Variants in BCAS3 observed in about 807,000 individuals in gnomAD.
BCAS3 encodes the protein BCAS4/BCAS3 fusion.
BCAS3 carries 53 observed loss-of-function variants against 116.1 expected under a neutral mutation model. The ratio of observed to expected loss-of-function variants is 0.46; its 90% CI spans 0.37 to 0.57. The LOEUF (loss-of-function observed/expected upper bound fraction) is 0.57, where lower values mean the gene tolerates loss of function less well. Among genes scored for constraint, BCAS3 ranks in the 20% least tolerant of loss-of-function variants. The pLI is 0.00. For missense variants in BCAS3, 917 were observed against 1,165.4 expected, an observed-to-expected ratio of 0.79 and a Z score of 3.10; for synonymous variants, 391 against 408.2, an observed-to-expected ratio of 0.96 and a Z score of 0.51.
chr17:60,787,747 G>T (rs1300402426), intron 6 of BCAS3, among the ~76,000 whole-genome samples: 1 of 152,038 alleles, frequency 6.6e-6, no homozygotes, highest in African/African-American at 2.4e-5. Flanking sequence ...AGATCACTAG[G>T]AGAAACTGTG....
At chr17:61,262,355 G>A (rs1423804444) in intron 22 of BCAS3, among the ~76,000 whole-genome samples, 1 of 150,368 alleles carries the variant, frequency 6.7e-6, no homozygotes, top group Non-Finnish European at 1.5e-5. Flanking sequence ...CACATAAATG[G>A]ACATAACATA....
chr17:61,090,125 AAAG>A (rs1480099908), intron 22 of BCAS3, among the ~76,000 whole-genome samples: 1 of 152,340 alleles, frequency 6.6e-6, no homozygotes. Flanking sequence ...TACATCAGTA[AAAG>A]AAGATTAAGA....
Position 61,151,691 on chromosome 17 carries a change from C to G in BCAS3, c.2425+67127C>G, listed in dbSNP as rs1402917816. Among the ~76,000 whole-genome samples, 3 of 152,156 alleles carry G rather than the reference C, an allele frequency of 2.0e-5. No individual in the cohort carries two copies. The highest frequency in any genetic ancestry group is 4.4e-5 in the Non-Finnish European group (3 of 68,028). On this transcript the variant is annotated intron_variant, in intron 22 of 23. Coordinates refer to ENST00000407086, the MANE Select transcript of BCAS3 (RefSeq NM_017679.5). This position sits in a 1 kb window ranked among gnomAD's most constrained non-coding sequence, Gnocchi z 4.8. ...CAGACTGGTCTTGAATTCCTGGGCT[C>G]AAGTGAGCCTCCTGCCTTGGCCCCG... is the stretch of plus-strand genomic sequence containing the variant.
intron 22 of BCAS3, among the ~76,000 whole-genome samples, chr17:61,089,734 G>T (rs907581831): frequency 1.3e-4 from 20 of 151,720 alleles, no homozygotes; most frequent in African/African-American, 4.4e-4. Context: ...GTTTCACCAT[G>T]TTGGCTAGGC....
chr17:61,244,083 CAA>C lies in BCAS3; in HGVS notation c.2426-124243_2426-124242del, dbSNP rs992781324. Among the ~76,000 whole-genome samples the C allele has an allele frequency of 3.9e-5, 6 of 152,078 alleles. No individual in the cohort carries two copies. The highest frequency in any genetic ancestry group is 1.4e-4 in the African/African-American group (6 of 41,402). ...ATGAGTTTTAATATGCTAATTACTT[CAA>C]GTTTTAAAAGAATAATATGTCAAAT... On this transcript the variant is annotated intron_variant, in intron 22 of 23. Coordinates refer to ENST00000407086, the MANE Select transcript of BCAS3 (RefSeq NM_017679.5). This position sits in a 1 kb window ranked among gnomAD's most constrained non-coding sequence, Gnocchi z 4.9.
At chr17:60,755,150 TC>T (rs1419711090) in intron 6 of BCAS3, among the ~76,000 whole-genome samples, 1 of 152,186 alleles carries the variant, frequency 6.6e-6, no homozygotes, top group Non-Finnish European at 1.5e-5. Flanking sequence ...TTTGATGATT[TC>T]ATGGTTTTAG....
intron 6 of BCAS3, among the ~76,000 whole-genome samples, chr17:60,753,846 T>C (rs1171141798): frequency 6.6e-6 from 1 of 152,232 alleles, no homozygotes; most frequent in Non-Finnish European, 1.5e-5. Context: ...ATCTTAGCTT[T>C]TTGGAATGAT....
chr17:60,926,807 G>A (rs969173338), intron 13 of BCAS3, among the ~76,000 whole-genome samples: 6 of 152,120 alleles, frequency 3.9e-5, no homozygotes, highest in African/African-American at 1.4e-4. Flanking sequence ...ATAATATAAA[G>A]AGTGTTGTAG....
At position 61,233,669 on chromosome 17, in the gene BCAS3, G is replaced by A. The variant is rs1006772223; in HGVS notation, c.2426-134658G>A. Among the ~76,000 whole-genome samples, 1 of 152,152 alleles carries A rather than the reference G, an allele frequency of 6.6e-6. No individual in the cohort carries two copies. Among genetic ancestry groups the A allele is most frequent in the African/African-American group, 2.4e-5 (1 of 41,444 alleles). ...ATAAGTCACAATCTTCCTGTCTCAT[G>A]TTTCTTTTACTTAAAAATGAAAGCA... On this transcript the variant is annotated intron_variant, in intron 22 of 23. Coordinates refer to ENST00000407086, the MANE Select transcript of BCAS3 (RefSeq NM_017679.5). The surrounding 1 kb of genome is among the most constrained non-coding windows in gnomAD (Gnocchi z 4.3).
chr17:60,927,021 A>G (rs9911687), intron 13 of BCAS3, among the ~76,000 whole-genome samples: 4,262 of 152,220 alleles, frequency 0.028, 214 homozygotes, highest in African/African-American at 0.098. Context: ...TTGCTAACTT[A>G]TCTGTTCCTC....
In BCAS3 at chr17:60,851,541, T is replaced by C. The variant is rs1419750789; in HGVS notation, c.477-17035T>C. On this transcript the variant is annotated intron_variant, in intron 7 of 23. Coordinates refer to ENST00000407086, the MANE Select transcript of BCAS3 (RefSeq NM_017679.5). ...AAACCACCATCTGTAAAGCTCTACA[T>C]GTTCTTCACGGGGTGAATAATTTCT... The C allele has an allele frequency of 1.8e-5, 11 of 612,276 alleles. No individual in the cohort carries two copies. In the South Asian group the frequency reaches 1.8e-4, roughly 10 times the overall value. The allele number at this position is 612,276 out of a possible 1,614,324, so 37.9% of individuals were successfully genotyped here.
intron 16 of BCAS3, chr17:61,027,005 T>C: frequency 9.1e-7 from 1 of 1,095,162 alleles, no homozygotes; most frequent in Non-Finnish European, 1.4e-6. Context: ...CATGGCCTGA[T>C]CACAGATAGA....
chr17:60,925,902 G>GT, intron 13 of BCAS3, among the ~76,000 whole-genome samples: 1 of 151,986 alleles, frequency 6.6e-6, no homozygotes, highest in Middle Eastern at 3.4e-3. Context: ...TATCTTGGCG[G>GT]TGGGACCCAA....
intron 22 of BCAS3, among the ~76,000 whole-genome samples, chr17:61,331,749 G>A (rs2056309009): frequency 6.6e-6 from 1 of 152,164 alleles, no homozygotes; most frequent in Non-Finnish European, 1.5e-5. Flanking sequence ...GAGAATTCTT[G>A]TGACGAGAAC....
At chr17:60,720,010 A>C (rs1040423056) in intron 5 of BCAS3, 9 of 152,224 alleles carry the variant, frequency 5.9e-5, no homozygotes, top group African/African-American at 2.2e-4. Context: ...AAATCATGTA[A>C]AGCAAAAATT....
At chr17:61,183,584 C>T (rs975373570) in intron 22 of BCAS3, among the ~76,000 whole-genome samples, 1 of 152,046 alleles carries the variant, frequency 6.6e-6, no homozygotes, top group Non-Finnish European at 1.5e-5. Flanking sequence ...ATCTGTTGTT[C>T]CTAAGCTTTA....
chr17:61,236,952 A>C (rs758466), intron 22 of BCAS3, among the ~76,000 whole-genome samples: 86,585 of 152,000 alleles, frequency 0.57, 25,796 homozygotes, highest in East Asian at 0.83. Context: ...CTGAAAAAGT[A>C]GAATAGCCTC....
intron 16 of BCAS3, among the ~76,000 whole-genome samples, chr17:61,024,029 T>C (rs1314301531): frequency 6.6e-6 from 1 of 152,188 alleles, no homozygotes; most frequent in Non-Finnish European, 1.5e-5. Flanking sequence ...TCATCTCTTT[T>C]TCTTTCCACT....
At chr17:60,832,346 T>C (rs1413602199) in intron 7 of BCAS3, among the ~76,000 whole-genome samples, 1 of 152,190 alleles carries the variant, frequency 6.6e-6, no homozygotes, top group Admixed American at 6.5e-5. Context: ...AAAGTGGTGC[T>C]TCAGGCCCTG....
Sources: gnomAD v4.1 joint callset for allele counts (sites outside exome capture counted in the v4.1 genomes callset) on GRCh38, gnomAD v4.1.1 for gene constraint, Gnocchi (gnomAD v3.1) non-coding constraint, MANE v1.5 for transcripts, NCBI Gene and HGNC (gene_info 2026-07-23, HGNC 2026-07-21) for gene names.